The following IL18R1 variants were observed in gnomAD, a reference collection of about 807,000 sequenced individuals.
IL18R1 encodes interleukin 18 receptor 1, also known as interleukin-18 receptor 1.
Under a neutral mutation model 48.5 loss-of-function variants are expected in IL18R1, and 40 were observed. The observed-to-expected ratio is 0.82, with a 90% CI of 0.64 to 1.07. The LOEUF is 1.07. IL18R1 is among the 50% of genes least tolerant of loss of function. The pLI is 0.00. For missense variants in IL18R1, 596 were observed against 633.7 expected (o/e 0.94, Z 0.64); for synonymous variants, 232 against 225.9 (o/e 1.03, Z -0.24).
In IL18R1 at chr2:102,384,029, T is replaced by C. The variant is rs1283494423; in HGVS notation, c.689-849T>C. ...TTTTATTGTTGTTGATCTTTATGTA[T>C]CAAACAATTAAAGTGAATACAGTTT... On this transcript the variant is annotated intron_variant, in intron 6 of 10. Coordinates refer to ENST00000233957, the MANE Select transcript of IL18R1 (RefSeq NM_003855.5). Among the ~76,000 whole-genome samples the C allele has an allele frequency of 2.0e-5, 3 of 152,242 alleles. No individual in the cohort carries two copies. The East Asian group carries it at 5.8e-4, about 29-fold the overall frequency.
At position 102,356,432 on chromosome 2, in the gene IL18R1, C is replaced by T. The variant is rs1016594741; in HGVS notation, c.-29+32C>T. 28 of 563,168 alleles carry T rather than the reference C, an allele frequency of 5.0e-5. 1 individual carries two copies. The highest frequency in any genetic ancestry group is 6.3e-5 in the Non-Finnish European group (28 of 443,974). 34.9% of individuals were successfully genotyped at this position (563,168 alleles called of 1,614,324 possible). Reference sequence around the variant, plus strand: ...GTGGGCTCCGCTGCCACCCGCATCCCCTCCCCACCCCCCAGAGGAAGGGAA... The same window carrying T: ...GTGGGCTCCGCTGCCACCCGCATCCTCTCCCCACCCCCCAGAGGAAGGGAA... On this transcript the variant is annotated intron_variant, in intron 1 of 10. Transcript: ENST00000233957.
chr2:102,359,411 G>GACTACATC (rs1310530836), intron 1 of IL18R1, among the ~76,000 whole-genome samples: 50 of 152,222 alleles, frequency 3.3e-4, no homozygotes, highest in African/African-American at 1.1e-3. Context: ...TGATCGGTTT[G>GACTACATC]ACTACATCAA....
chr2:102,371,478 A>AG (rs1331037025), intron 3 of IL18R1, among the ~76,000 whole-genome samples: 4 of 152,240 alleles, frequency 2.6e-5, no homozygotes, highest in Non-Finnish European at 5.9e-5. Context: ...CAGTAAAAGA[A>AG]GGGGATTGGA....
At position 102,355,876 on chromosome 2, in the gene IL18R1, G is replaced by C. The variant is rs1351267744; in HGVS notation, c.-553G>C. ...TCCGCGGGAAAAGGGCAAGGCGCTG[G>C]GTTTTCCAGCAGCAACCTTTGGACC... On this transcript the variant is annotated 5_prime_UTR_variant, in exon 1 of 11. Coordinates refer to ENST00000233957, the MANE Select transcript of IL18R1 (RefSeq NM_003855.5). 6.6e-6 allele frequency: 1 copy of C among 152,336 alleles called. No individual in the cohort carries two copies. Among genetic ancestry groups the C allele is most frequent in the Non-Finnish European group, 1.5e-5 (1 of 68,046 alleles). 9.4% of individuals were successfully genotyped at this position (152,336 alleles called of 1,614,324 possible). A position where few individuals can be genotyped will look rare whatever the true frequency, so the allele number is the denominator to read the frequency against.
intron 9 of IL18R1, among the ~76,000 whole-genome samples, chr2:102,391,081 C>A (rs1392451452): frequency 6.6e-6 from 1 of 152,050 alleles, no homozygotes; most frequent in East Asian, 1.9e-4. Flanking sequence ...TTAAAGGTGA[C>A]CAGAAGTCCT....
Position 102,356,266 on chromosome 2 carries a change from T to C in IL18R1, c.-163T>C. ...CTTATCTCTTTAATCACACCTCTCT[T>C]TCACTTTCCACGGTAGTCAGGAGGC... On this transcript the variant is annotated 5_prime_UTR_variant, in exon 1 of 11. Transcript: ENST00000233957. 1 of 840,532 alleles carries C rather than the reference T, an allele frequency of 1.2e-6. No individual in the cohort carries two copies. The highest frequency in any genetic ancestry group is 1.9e-5 in the African/African-American group (1 of 53,156). The allele number at this position is 840,532 out of a possible 1,614,324, so 52.1% of individuals were successfully genotyped here.
chr2:102,388,974 A>G (rs1201133202), intron 8 of IL18R1, among the ~76,000 whole-genome samples: 1 of 152,178 alleles, frequency 6.6e-6, no homozygotes, highest in African/African-American at 2.4e-5. Flanking sequence ...AGAAATATGG[A>G]TAAATGTATA....
At chr2:102,386,620 T>G (rs1047335678) in intron 7 of IL18R1, among the ~76,000 whole-genome samples, 2 of 152,238 alleles carry the variant, frequency 1.3e-5, no homozygotes, top group Non-Finnish European at 2.9e-5. Context: ...TCCAGCCATT[T>G]AAACTTCAGG....
At chr2:102,363,301 C>A (rs1356608440) in intron 2 of IL18R1, among the ~76,000 whole-genome samples, 1 of 151,760 alleles carries the variant, frequency 6.6e-6, no homozygotes, top group African/African-American at 2.4e-5. Context: ...AGTGGGAGCA[C>A]AAATATTAAT....
At chr2:102,391,237 C>G (rs1422384347) in intron 9 of IL18R1, among the ~76,000 whole-genome samples, 1 of 152,204 alleles carries the variant, frequency 6.6e-6, no homozygotes, top group South Asian at 2.1e-4. Context: ...CAGTAGCCCC[C>G]CTTCCAGCCT....
chr2:102,372,623 G>T (rs1347454752), intron 4 of IL18R1, among the ~76,000 whole-genome samples: 1 of 151,632 alleles, frequency 6.6e-6, no homozygotes, highest in Non-Finnish European at 1.5e-5. Context: ...TGAAGCATCT[G>T]CTTTTTAAAA....
chr2:102,360,044 A>G (rs1678482358), intron 1 of IL18R1, among the ~76,000 whole-genome samples: 2 of 152,204 alleles, frequency 1.3e-5, no homozygotes, highest in Admixed American at 6.5e-5. Flanking sequence ...AAATCCACCC[A>G]GGCTGCCACC....
chr2:102,381,529 T>G lies in IL18R1; in HGVS notation c.626-91T>G. ...AAACCAGTAACTATTGGAATCTTTG[T>G]TACATGAAATGAGCATATTATCATA... On this transcript the variant is annotated intron_variant, in intron 5 of 10. Transcript: ENST00000233957. The G allele has an allele frequency of 3.3e-6, 3 of 910,710 alleles. No homozygotes were observed. In the South Asian group the frequency reaches 4.1e-5, roughly 13 times the overall value. 56.4% of individuals were successfully genotyped at this position (910,710 alleles called of 1,614,324 possible).
intron 1 of IL18R1, among the ~76,000 whole-genome samples, chr2:102,359,428 A>C (rs1286817217): frequency 6.6e-6 from 1 of 152,230 alleles, no homozygotes; most frequent in African/African-American, 2.4e-5. Flanking sequence ...TCAATATAAA[A>C]TTTGTCATAT....
intron 3 of IL18R1, among the ~76,000 whole-genome samples, chr2:102,368,616 C>T (rs534204651): frequency 3.8e-4 from 58 of 152,206 alleles, no homozygotes; most frequent in Middle Eastern, 3.4e-3. Context: ...GAGGGCAACA[C>T]GGAAGGGCTT....
chr2:102,372,405 G>A (rs984737798), intron 4 of IL18R1, among the ~76,000 whole-genome samples: 5 of 152,124 alleles, frequency 3.3e-5, no homozygotes, highest in Non-Finnish European at 7.4e-5. Context: ...CGATAAGTTA[G>A]TTTTTAGGAA....
intron 5 of IL18R1, among the ~76,000 whole-genome samples, chr2:102,380,146 C>G (rs1017131839): frequency 2.0e-5 from 3 of 151,616 alleles, no homozygotes; most frequent in Non-Finnish European, 4.4e-5. Flanking sequence ...ACTCTGATAG[C>G]CTCCTAGGTA....
intron 1 of IL18R1, among the ~76,000 whole-genome samples, chr2:102,357,138 T>G (rs565077393): frequency 6.6e-6 from 1 of 152,244 alleles, no homozygotes; most frequent in East Asian, 1.9e-4. Flanking sequence ...TTGTGCAGGT[T>G]CTGGGGACAG....
rs377457925 is a variant in IL18R1, at chr2:102,384,959, C to A, written c.770C>A (p.Ser257Ter). The A allele has an allele frequency of 1.1e-4, 177 of 1,604,222 alleles. No homozygotes were observed. The highest frequency in any genetic ancestry group is 1.4e-4 in the Non-Finnish European group (166 of 1,171,950). ...TGGATGTTCGGGGAAGAAAATGGAT[C>A]GGATCCTAATATACATGAAGAGAAA... ...IYWMFGEENG[S>*]DPNIHEEKEM... Residue 257 changes from serine to a stop codon, truncating the protein, a stop_gained, in exon 7 of 11, where the codon TCG becomes TAG. Transcript: ENST00000233957. LOFTEE classifies it high-confidence loss of function.
Sources: gnomAD v4.1 joint callset for allele counts (sites outside exome capture counted in the v4.1 genomes callset) on GRCh38, gnomAD v4.1.1 for gene constraint, MANE v1.5 for transcripts, NCBI Gene and HGNC (gene_info 2026-07-23, HGNC 2026-07-21) for gene names.